Variants in RASSF3 observed in about 807,000 individuals in gnomAD.
The protein encoded by RASSF3 is ras association domain-containing protein 3.
RASSF3 carries 19 observed loss-of-function variants against 19.9 expected under a neutral mutation model. That is an observed-to-expected ratio of 0.96 (90% CI 0.67 to 1.40). RASSF3 has a LOEUF of 1.40. Among genes scored for constraint, RASSF3 ranks in the 40% most tolerant of loss-of-function variants. The probability of loss-of-function intolerance (pLI) is 0.00; values close to 1 mark genes in which losing one functional copy is unlikely to be tolerated. For synonymous variants in RASSF3, 110 were observed against 104.2 expected (o/e 1.06, Z -0.34); for missense variants, 306 against 289.8 (o/e 1.06, Z -0.41).
rs909579832 is a variant in RASSF3 at position 64,647,636 on chromosome 12, T to C, written c.111+36893T>C. Reference sequence around the variant, plus strand: ...CCATGTTGGCCAGGCTGGTCTCGAATTCCTGACCTCATGATTTGCCCACCT... The same window carrying C: ...CCATGTTGGCCAGGCTGGTCTCGAACTCCTGACCTCATGATTTGCCCACCT... On this transcript the variant is annotated intron_variant, in intron 1 of 4. Coordinates refer to ENST00000542104, the MANE Select transcript of RASSF3 (RefSeq NM_178169.4). Among the ~76,000 whole-genome samples the C allele has an allele frequency of 6.6e-5, 10 of 152,018 alleles. No homozygotes were observed. The East Asian group carries it at 1.4e-3, about 21-fold the overall frequency.
At chr12:64,674,454 G>A (rs570667015) in intron 1 of RASSF3, among the ~76,000 whole-genome samples, 5 of 152,284 alleles carry the variant, frequency 3.3e-5, no homozygotes, top group Admixed American at 1.3e-4. Flanking sequence ...AGTGGCTTAT[G>A]CCTGTAATCC....
At chr12:64,682,298 T>C (rs370115386) in intron 1 of RASSF3, among the ~76,000 whole-genome samples, 1 of 151,720 alleles carries the variant, frequency 6.6e-6, no homozygotes. Flanking sequence ...CGCCACGAGA[T>C]AGGTGGCTCA....
chr12:64,649,886 C>A (rs565190995), intron 1 of RASSF3, among the ~76,000 whole-genome samples: 9 of 152,306 alleles, frequency 5.9e-5, no homozygotes, highest in African/African-American at 2.2e-4. Flanking sequence ...ATATTCTTTA[C>A]GATTATAAAG....
chr12:64,656,161 G>GAT (rs1356206525), intron 1 of RASSF3, among the ~76,000 whole-genome samples: 11 of 152,042 alleles, frequency 7.2e-5, no homozygotes, highest in African/African-American at 2.7e-4. Flanking sequence ...GATTATTTGT[G>GAT]ATATATGTAT....
intron 1 of RASSF3, among the ~76,000 whole-genome samples, chr12:64,511,608 G>A (rs11832332): frequency 0.098 from 14,901 of 152,214 alleles, 980 homozygotes; most frequent in East Asian, 0.35. Context: ...AGGGCACTTT[G>A]GGGTTCCCAG....
chr12:64,639,074 G>A (rs73319695), intron 1 of RASSF3, among the ~76,000 whole-genome samples: 1 of 152,170 alleles, frequency 6.6e-6, no homozygotes, highest in African/African-American at 2.4e-5. Context: ...ACTGCCATAC[G>A]CAGATTCTTC....
chr12:64,527,862 G>A (rs1868621772), intron 1 of RASSF3, among the ~76,000 whole-genome samples: 1 of 152,126 alleles, frequency 6.6e-6, no homozygotes, highest in Non-Finnish European at 1.5e-5. Context: ...TTGAACCTGG[G>A]AGGCAGAGGT....
chr12:64,660,069 T>C (rs926661064), intron 1 of RASSF3, among the ~76,000 whole-genome samples: 6 of 151,856 alleles, frequency 4.0e-5, no homozygotes, highest in South Asian at 4.2e-4. Flanking sequence ...TATATGTGTG[T>C]GTGTATGTAT....
At chr12:64,519,901 G>C (rs954614402) in intron 1 of RASSF3, among the ~76,000 whole-genome samples, 1 of 152,064 alleles carries the variant, frequency 6.6e-6, no homozygotes, top group Non-Finnish European at 1.5e-5. Flanking sequence ...GTGGCTAAAA[G>C]TATAGGCTCT....
At position 64,653,665 on chromosome 12, in the gene RASSF3, C is replaced by G. The variant is rs866138941; in HGVS notation, c.112-31122C>G. The stretch of plus-strand genomic sequence containing the variant: ...TTGGAGCAGCCTTCACCTCCTGGGC[C>G]CAAGTGATCCTCCTGCCTCAGCTTC... On this transcript the variant is annotated intron_variant, in intron 1 of 4. Coordinates refer to ENST00000542104, the MANE Select transcript of RASSF3 (RefSeq NM_178169.4). Among the ~76,000 whole-genome samples, 46 of 151,774 alleles carry G rather than the reference C, an allele frequency of 3.0e-4. 1 individual carries two copies. The Middle Eastern group carries it at 0.017, about 56-fold the overall frequency.
intron 2 of RASSF3, among the ~76,000 whole-genome samples, chr12:64,588,634 A>ACT (rs1869857334): frequency 1.3e-5 from 2 of 152,034 alleles, no homozygotes; most frequent in Non-Finnish European, 2.9e-5. Context: ...AACAACACAT[A>ACT]CTCCCACTAG....
intron 2 of RASSF3, among the ~76,000 whole-genome samples, chr12:64,599,787 C>T (rs1248087676): frequency 1.3e-5 from 2 of 152,172 alleles, no homozygotes; most frequent in South Asian, 4.1e-4. Context: ...AATCCCAGCA[C>T]TTTGGGAGGC....
intron 1 of RASSF3, among the ~76,000 whole-genome samples, chr12:64,615,292 C>T (rs1038238481): frequency 2.0e-5 from 3 of 152,162 alleles, no homozygotes; most frequent in Admixed American, 6.5e-5. Context: ...AGCTACCTCT[C>T]CTCCTGAGCC....
intron 2 of RASSF3, among the ~76,000 whole-genome samples, chr12:64,579,154 G>A (rs930688032): frequency 6.6e-6 from 1 of 151,876 alleles, no homozygotes. Flanking sequence ...CCTTTTTGAT[G>A]GGGTACCAGC....
At chr12:64,639,558 A>G (rs1871439175) in intron 1 of RASSF3, among the ~76,000 whole-genome samples, 1 of 152,176 alleles carries the variant, frequency 6.6e-6, no homozygotes, top group Non-Finnish European at 1.5e-5. Context: ...CTTAATTACG[A>G]AGAATGGCAT....
At chr12:64,604,565 G>C (rs1870153409) in intron 2 of RASSF3, among the ~76,000 whole-genome samples, 1 of 152,098 alleles carries the variant, frequency 6.6e-6, no homozygotes, top group Admixed American at 6.6e-5. Flanking sequence ...TGACCAAAGA[G>C]AACAGCCGCT....
At chr12:64,573,460 TAAC>T (rs770976525) in intron 2 of RASSF3, among the ~76,000 whole-genome samples, 4 of 152,240 alleles carry the variant, frequency 2.6e-5, no homozygotes, top group Non-Finnish European at 4.4e-5. Context: ...TATCCCCATT[TAAC>T]AAATATGAAA....
intron 1 of RASSF3, among the ~76,000 whole-genome samples, chr12:64,632,328 A>G (rs1410483378): frequency 1.3e-5 from 2 of 152,182 alleles, no homozygotes; most frequent in Non-Finnish European, 2.9e-5. Flanking sequence ...CGTGCTTGCC[A>G]GCCTGAGGAT....
chr12:64,650,355 G>GTGA (rs1016754124), intron 1 of RASSF3, among the ~76,000 whole-genome samples: 10 of 150,954 alleles, frequency 6.6e-5, no homozygotes, highest in African/African-American at 7.3e-5. Context: ...GCTGTGCTCA[G>GTGA]TGATGACCTC....
Sources: allele counts gnomAD v4.1 joint callset (sites outside exome capture counted in the v4.1 genomes callset), GRCh38; gene constraint gnomAD v4.1.1; transcripts MANE v1.5; gene names NCBI Gene and HGNC (gene_info 2026-07-23, HGNC 2026-07-21).